SDR42E1: variants seen among roughly 807,000 people sequenced by gnomAD.
SDR42E1 encodes short-chain dehydrogenase/reductase family 42E member 1.
A neutral mutation model predicts 2.6 loss-of-function variants in SDR42E1; 5 were observed. That is an observed-to-expected ratio of 1.94 (90% CI 1.01 to 4.08). SDR42E1 has a LOEUF of 4.08. Ranked by LOEUF, SDR42E1 falls within the 30% of genes most tolerant of loss-of-function variation. The probability of loss-of-function intolerance (pLI) is 0.00; values close to 1 mark genes in which losing one functional copy is unlikely to be tolerated. For missense variants in SDR42E1, 596 were observed against 478.6 expected (o/e 1.25, Z -2.29); for synonymous variants, 231 against 188.3 (o/e 1.23, Z -1.86).
chr16:82,005,535 A>G (rs1157830906), intron 1 of SDR42E1, among the ~76,000 whole-genome samples: 1 of 152,106 alleles, frequency 6.6e-6, no homozygotes, highest in African/African-American at 2.4e-5. Context: ...ACCTGCCCCC[A>G]CCCAAAATTC....
Position 82,000,116 on chromosome 16 carries a change from G to T in SDR42E1, c.177C>A (p.Arg59=). ...EGIKFIQGDI[R]HLSDVEKAFQ... ...AGGCTTTCTCTACGTCAGACAGGTG[G>T]CGGATGTCTCCTTGTATAAACTTGA... Residue 59 remains arginine, a synonymous_variant, in exon 3 of 3, where the codon CGC becomes CGA. Transcript: ENST00000328945. 1.2e-6 allele frequency: 2 copies of T among 1,614,240 alleles called. No individual in the cohort carries two copies. The highest frequency in any genetic ancestry group is 1.7e-6 in the Non-Finnish European group (2 of 1,180,042).
intron 1 of SDR42E1, among the ~76,000 whole-genome samples, chr16:82,004,645 C>T (rs892555596): frequency 2.0e-5 from 3 of 152,168 alleles, no homozygotes; most frequent in African/African-American, 7.2e-5. Flanking sequence ...GGACTACAGG[C>T]GTGTGCCATG....
At position 81,997,325 on chromosome 16, in the gene SDR42E1, A is replaced by T. The variant is rs957637417; in HGVS notation, c.*1786T>A. ...CATCGGGCCAAGAGCTCAGCCTCCA[A>T]GATCGCCTTTGACCATCTCCCTCTT... is the stretch of plus-strand genomic sequence containing the variant. On this transcript the variant is annotated 3_prime_UTR_variant, in exon 3 of 3. Coordinates refer to ENST00000328945, the MANE Select transcript of SDR42E1 (RefSeq NM_145168.3). The T allele has an allele frequency of 9.9e-5, 15 of 152,226 alleles. No homozygotes were observed. Among genetic ancestry groups the T allele is most frequent in the African/African-American group, 3.6e-4 (15 of 41,462 alleles). 9.4% of individuals were successfully genotyped at this position (152,226 alleles called of 1,614,324 possible).
rs188928119 is a variant in SDR42E1, at chr16:82,007,207, T to G, written c.-27+4180A>C. On this transcript the variant is annotated intron_variant, in intron 1 of 2. Coordinates refer to ENST00000328945, the MANE Select transcript of SDR42E1 (RefSeq NM_145168.3). ...GTAAATATAAATGGGGTGAACATTTTGCAAGCTCTTCAAATGCCTCTTTCT... is the reference window on the plus strand; with the variant it reads ...GTAAATATAAATGGGGTGAACATTTGGCAAGCTCTTCAAATGCCTCTTTCT... 7.5e-4 allele frequency among the ~76,000 whole-genome samples: 115 copies of G among 152,376 alleles called. 1 individual carries two copies. The highest frequency in any genetic ancestry group is 2.7e-3 in the African/African-American group (112 of 41,600).
At chr16:82,002,294 G>A (rs972377510) in intron 1 of SDR42E1, among the ~76,000 whole-genome samples, 2 of 152,086 alleles carry the variant, frequency 1.3e-5, no homozygotes, top group African/African-American at 2.4e-5. Flanking sequence ...AAGACGTCTC[G>A]CCTCCGCCCT....
chr16:82,001,936 G>C (rs1912778095), intron 1 of SDR42E1, among the ~76,000 whole-genome samples: 1 of 147,616 alleles, frequency 6.8e-6, no homozygotes, highest in Non-Finnish European at 1.5e-5. Flanking sequence ...GAAGCACACA[G>C]GTCCTCAAAG....
At chr16:82,004,092 A>T (rs981942487) in intron 1 of SDR42E1, among the ~76,000 whole-genome samples, 12 of 152,254 alleles carry the variant, frequency 7.9e-5, no homozygotes, top group Admixed American at 6.5e-5. Flanking sequence ...TCCAGAGCTT[A>T]CAAATAAGAA....
Position 81,999,538 on chromosome 16 carries a change from T to C in SDR42E1, c.755A>G (p.Tyr252Cys), listed in dbSNP as rs752132659. ...DKGHIASGQP[Y>C]FISDGRPVNN... ...CACGGGTCTGCCATCTGAGATGAAG[T>C]AGGGCTGCCCAGAGGCAATATGGCC... Residue 252 changes from tyrosine to cysteine, a missense_variant, in exon 3 of 3, where the codon TAC (tyrosine) becomes TGC (cysteine). Tyr to Cys is a radical substitution (Grantham distance 194, BLOSUM62 -2). Transcript: ENST00000328945. 6 of 1,614,128 alleles carry C rather than the reference T, an allele frequency of 3.7e-6. No individual in the cohort carries two copies. The South Asian group carries it at 5.5e-5, about 15-fold the overall frequency.
At chr16:82,002,338 T>C (rs867200291) in intron 1 of SDR42E1, among the ~76,000 whole-genome samples, 8 of 152,306 alleles carry the variant, frequency 5.3e-5, no homozygotes, top group African/African-American at 1.9e-4. Context: ...AAGACATTTC[T>C]CTAGATTTCA....
At position 81,999,642 on chromosome 16, in the gene SDR42E1, C is replaced by A. The variant is rs779550705; in HGVS notation, c.651G>T (p.Arg217Ser). The A allele has an allele frequency of 6.2e-7, 1 of 1,614,188 alleles. No individual in the cohort carries two copies. Among genetic ancestry groups the A allele is most frequent in the Non-Finnish European group, 8.5e-7 (1 of 1,180,038 alleles). The change falls in exon 3 of 3, where the codon AGG (arginine) becomes AGT (serine). Residue 217 changes from arginine (R) to serine (S), a missense_variant. By Grantham distance (110) the Arg-to-Ser change is moderately radical. Transcript: ENST00000328945. Reference sequence around the variant, plus strand: ...CCACGTGGACAAACTCAACCAGGCTCCTGGGGTCCCCGTAGACAAACTTGA... The same window carrying A: ...CCACGTGGACAAACTCAACCAGGCTACTGGGGTCCCCGTAGACAAACTTGA... ...GLFKFVYGDP[R>S]SLVEFVHVDN...
chr16:82,003,891 T>G (rs1912848636), intron 1 of SDR42E1, among the ~76,000 whole-genome samples: 1 of 152,246 alleles, frequency 6.6e-6, no homozygotes, highest in African/African-American at 2.4e-5. Context: ...CTATGGATTA[T>G]TCTGAACACC....
chr16:82,005,825 G>C (rs928798380), intron 1 of SDR42E1, among the ~76,000 whole-genome samples: 4 of 149,350 alleles, frequency 2.7e-5, no homozygotes, highest in Non-Finnish European at 5.9e-5. Flanking sequence ...ACATGATCAA[G>C]AAACAACAAA....
At chr16:82,001,677 C>CGGATCATGAGGTCAGGA (rs1220391657) in intron 1 of SDR42E1, among the ~76,000 whole-genome samples, 2 of 151,906 alleles carry the variant, frequency 1.3e-5, no homozygotes, top group East Asian at 3.9e-4. Context: ...CCGAGGCAGG[C>CGGATCATGAGGTCAGGA]GGATCATGAG....
At position 81,992,651 on chromosome 16, in the gene SDR42E1, T is replaced by C. The variant is rs1319883926; in HGVS notation, c.*6460A>G. On this transcript the variant is annotated 3_prime_UTR_variant, in exon 3 of 3. Coordinates refer to ENST00000328945, the MANE Select transcript of SDR42E1 (RefSeq NM_145168.3). ...ATGAAGAATTTTTTAATTACTTGCA[T>C]GCTTTAACCAGCTGTTAAAAATAAA... 2 of 152,232 alleles carry C rather than the reference T, an allele frequency of 1.3e-5. No homozygotes were observed. Among genetic ancestry groups the C allele is most frequent in the East Asian group, 3.9e-4 (2 of 5,190 alleles). 9.4% of individuals were successfully genotyped at this position (152,232 alleles called of 1,614,324 possible).
At chr16:82,000,950 C>A in intron 1 of SDR42E1, 66 bp from the exon 2 acceptor site, 2 of 1,180,116 alleles carry the variant, frequency 1.7e-6, no homozygotes, top group Admixed American at 4.2e-5. Context: ...CTAATTTTGA[C>A]CTAACAAAAA....
intron 1 of SDR42E1, among the ~76,000 whole-genome samples, chr16:82,002,583 C>T (rs1396383394): frequency 6.6e-6 from 1 of 152,102 alleles, no homozygotes; most frequent in Non-Finnish European, 1.5e-5. Context: ...ACCACAGAGA[C>T]AGTAAATAAA....
At chr16:82,009,816 A>G (rs1461781895) in intron 1 of SDR42E1, among the ~76,000 whole-genome samples, 1 of 152,196 alleles carries the variant, frequency 6.6e-6, no homozygotes, top group Non-Finnish European at 1.5e-5. Flanking sequence ...CAGGGGCGGA[A>G]TGATATGGTT....
chr16:82,000,004 C>T lies in SDR42E1; in HGVS notation c.289G>A (p.Glu97Lys). The T allele has an allele frequency of 6.2e-7, 1 of 1,614,228 alleles. No individual in the cohort carries two copies. Among genetic ancestry groups the T allele is most frequent in the Non-Finnish European group, 8.5e-7 (1 of 1,180,036 alleles). The change falls in exon 3 of 3, where the codon GAA (glutamate) becomes AAA (lysine). Residue 97 changes from glutamate to lysine, a missense_variant. Physicochemically the swap from Glu to Lys is moderately conservative, Grantham distance 56. Coordinates refer to ENST00000328945, the MANE Select transcript of SDR42E1 (RefSeq NM_145168.3). The stretch of plus-strand genomic sequence containing the variant: ...TTGTCTGTGCCCCTGACGTTGACTT[C>T]TTTGATCAGGTTTCGATTGAGTTGC... ...REQLNRNLIK[E>K]VNVRGTDNIL...
intron 1 of SDR42E1, among the ~76,000 whole-genome samples, chr16:82,005,652 A>G (rs907929606): frequency 3.9e-5 from 6 of 152,186 alleles, no homozygotes; most frequent in Admixed American, 2.6e-4. Context: ...ATTAGTTTCT[A>G]TCTGATTCCT....
Sources: allele counts gnomAD v4.1 joint callset (sites outside exome capture counted in the v4.1 genomes callset), GRCh38; gene constraint gnomAD v4.1.1; transcripts MANE v1.5; gene names NCBI Gene and HGNC (gene_info 2026-07-23, HGNC 2026-07-21).